Variants in KDM4A observed in about 807,000 individuals in gnomAD.
KDM4A encodes lysine demethylase 4A.
In KDM4A, 23 loss-of-function variants were observed where a neutral mutation model predicts 127.1. That is an observed-to-expected ratio of 0.18 (90% CI 0.13 to 0.26). The LOEUF (loss-of-function observed/expected upper bound fraction) is 0.26, where lower values mean the gene tolerates loss of function less well. Ranked by LOEUF, KDM4A falls within the 10% of genes least tolerant of loss-of-function variation. The probability of loss-of-function intolerance (pLI) is 1.00; values close to 1 mark genes in which losing one functional copy is unlikely to be tolerated. For synonymous variants in KDM4A, 443 were observed against 466.5 expected, an observed-to-expected ratio of 0.95 and a Z score of 0.65; for missense variants, 890 against 1,329.1, an observed-to-expected ratio of 0.67 and a Z score of 5.14.
intron 12 of KDM4A, among the ~76,000 whole-genome samples, chr1:43,687,726 GCC>G (rs936957746): frequency 3.8e-5 from 5 of 132,590 alleles, no homozygotes; most frequent in South Asian, 2.5e-4. Context: ...TGTGGACTAT[GCC>G]CCTGTTTCAC....
chr1:43,676,571 G>A (rs982304979), intron 11 of KDM4A, among the ~76,000 whole-genome samples: 35 of 151,952 alleles, frequency 2.3e-4, no homozygotes, highest in African/African-American at 7.5e-4. Flanking sequence ...CACCTGCCTC[G>A]GCCTCCCAAA....
At chr1:43,690,586 T>G (rs1465558628) in intron 13 of KDM4A, 1 of 530,898 alleles carries the variant, frequency 1.9e-6, no homozygotes, top group African/African-American at 1.9e-5. Flanking sequence ...TTGGGAAGAT[T>G]GAAATCCCAG....
At chr1:43,652,320 CTAAA>C (rs1409119035) in intron 1 of KDM4A, among the ~76,000 whole-genome samples, 3 of 151,994 alleles carry the variant, frequency 2.0e-5, no homozygotes, top group African/African-American at 4.8e-5. Context: ...GGACCAACAA[CTAAA>C]TAATTAGTTT....
chr1:43,683,413 C>T (rs569793826), intron 11 of KDM4A, among the ~76,000 whole-genome samples: 167 of 152,306 alleles, frequency 1.1e-3, no homozygotes, highest in African/African-American at 3.8e-3. Flanking sequence ...CTGGAGCAGG[C>T]TTGTTTTTGG....
At chr1:43,695,381 G>A (rs933804924) in intron 18 of KDM4A, among the ~76,000 whole-genome samples, 8 of 152,204 alleles carry the variant, frequency 5.3e-5, no homozygotes, top group Admixed American at 4.6e-4. Flanking sequence ...TTGGGTAGAC[G>A]GTGGCATTTG....
Position 43,688,974 on chromosome 1 carries a change from C to G in KDM4A, c.1916C>G (p.Pro639Arg). ...EAEETEAWAK[P>R]LSQLWQNRPP... ...GAGGAGACAGAGGCCTGGGCCAAGC[C>G]TCTGAGCCAACTGTGGCAGAACCGA... The change falls in exon 13 of 22, where the codon CCT becomes CGT. Residue 639 changes from proline (P) to arginine (R), a missense_variant. Around this residue, in one of 7 missense-constraint regions of KDM4A, gnomAD observed 389 missense variants for 485.9 expected, o/e 0.80. Coordinates refer to ENST00000372396, the MANE Select transcript of KDM4A (RefSeq NM_014663.3). The surrounding 1 kb of genome is among the most constrained non-coding windows in gnomAD (Gnocchi z 4.4). 1 of 1,614,232 alleles carries G rather than the reference C, an allele frequency of 6.2e-7. No individual in the cohort carries two copies. The highest frequency in any genetic ancestry group is 1.1e-5 in the South Asian group (1 of 91,090).
chr1:43,703,762 G>A, intron 20 of KDM4A, 26 bp downstream of exon 20: 1 of 1,613,440 alleles, frequency 6.2e-7, no homozygotes, highest in Non-Finnish European at 8.5e-7. Context: ...CCTTTCTAGG[G>A]AGTGGGGGGT....
intron 11 of KDM4A, among the ~76,000 whole-genome samples, chr1:43,675,809 A>C (rs1448107021): frequency 6.6e-6 from 1 of 152,210 alleles, no homozygotes; most frequent in East Asian, 1.9e-4. Flanking sequence ...GCCGTGGTGC[A>C]TGCCTGTAAT....
Sources: allele counts gnomAD v4.1 joint callset (sites outside exome capture counted in the v4.1 genomes callset), GRCh38; gene constraint gnomAD v4.1.1; regional missense constraint gnomAD v4.1.1; non-coding constraint Gnocchi (gnomAD v3.1); transcripts MANE v1.5; gene names NCBI Gene and HGNC (gene_info 2026-07-23, HGNC 2026-07-21).